NKAIN3: variants seen among roughly 807,000 people sequenced by gnomAD.
NKAIN3 encodes the protein sodium/potassium-transporting ATPase subunit beta-1-interacting protein 3.
In NKAIN3, 25 loss-of-function variants were observed where a neutral mutation model predicts 30.2. That is an observed-to-expected ratio of 0.83 (90% confidence interval 0.60 to 1.16). The LOEUF is 1.16. Among genes scored for constraint, NKAIN3 ranks in the 50% most tolerant of loss-of-function variants. The probability of loss-of-function intolerance (pLI) is 0.00; values close to 1 mark genes in which losing one functional copy is unlikely to be tolerated. For synonymous variants in NKAIN3, 91 were observed against 89.6 expected, an observed-to-expected ratio of 1.02 and a Z score of -0.09; for missense variants, 225 against 254.1, an observed-to-expected ratio of 0.89 and a Z score of 0.78.
At chr8:62,415,456 G>T (rs1296291466) in intron 1 of NKAIN3, among the ~76,000 whole-genome samples, 1 of 149,722 alleles carries the variant, frequency 6.7e-6, no homozygotes, top group Non-Finnish European at 1.5e-5. Flanking sequence ...TAGTTGTCAA[G>T]AAGCTGAGCA....
intron 4 of NKAIN3, among the ~76,000 whole-genome samples, chr8:62,771,658 T>C (rs1817015387): frequency 6.6e-6 from 1 of 152,058 alleles, no homozygotes; most frequent in South Asian, 2.1e-4. Flanking sequence ...AAAAAAGATC[T>C]ATAGATTCAA....
At chr8:62,855,832 C>T in intron 4 of NKAIN3, 1 of 846,784 alleles carries the variant, frequency 1.2e-6, no homozygotes, top group Admixed American at 1.8e-5. Context: ...GGAGGAGTCA[C>T]CAGAAATTTC....
At chr8:62,321,704 G>T (rs1814918942) in intron 1 of NKAIN3, among the ~76,000 whole-genome samples, 1 of 151,652 alleles carries the variant, frequency 6.6e-6, no homozygotes, top group Admixed American at 6.5e-5. Context: ...TGTCTCAGAG[G>T]AGTACCTGGC....
chr8:62,832,606 A>G (rs762151467), intron 4 of NKAIN3, among the ~76,000 whole-genome samples: 5 of 152,130 alleles, frequency 3.3e-5, no homozygotes, highest in Non-Finnish European at 5.9e-5. Context: ...ACATTATTAC[A>G]TAATGATAAA....
chr8:62,765,456 A>G (rs1188617047), intron 4 of NKAIN3, among the ~76,000 whole-genome samples: 1 of 152,026 alleles, frequency 6.6e-6, no homozygotes, highest in African/African-American at 2.4e-5. Flanking sequence ...GACCTGCCTA[A>G]GCAGAATTCA....
chr8:62,481,976 G>A (rs1471714772), intron 1 of NKAIN3, among the ~76,000 whole-genome samples: 1 of 152,158 alleles, frequency 6.6e-6, no homozygotes, highest in Non-Finnish European at 1.5e-5. Flanking sequence ...AGCCCATAAT[G>A]CAGCTGAGCT....
At chr8:62,609,710 T>G (rs747376713) in intron 3 of NKAIN3, among the ~76,000 whole-genome samples, 1 of 152,000 alleles carries the variant, frequency 6.6e-6, no homozygotes, top group Non-Finnish European at 1.5e-5. Context: ...TTCATGAGAA[T>G]GGAAGGAGTT....
At chr8:62,543,441 G>C (rs1382185077) in intron 1 of NKAIN3, among the ~76,000 whole-genome samples, 1 of 152,116 alleles carries the variant, frequency 6.6e-6, no homozygotes, top group African/African-American at 2.4e-5. Flanking sequence ...ATAAATAGTG[G>C]GTCAGAGGCA....
Position 62,859,517 on chromosome 8 carries a change from A to AAAAAAAAAAAAAAAAC in NKAIN3, c.472-58932_472-58931insAAAAAAAAAAACAAAA, listed in dbSNP as rs1369901684. ...ATACTCTTACTTCAACTAAAAAAAAAAAAACTTCATGGAAGTAGCCTAGTT... is the reference window on the plus strand; with the variant it reads ...ATACTCTTACTTCAACTAAAAAAAAAAAAAAAAAAAAAAAACAAAACTTCATGGAAGTAGCCTAGTT... On this transcript the variant is annotated intron_variant, in intron 4 of 6. Transcript: ENST00000623646. 3.3e-5 allele frequency among the ~76,000 whole-genome samples: 5 copies of AAAAAAAAAAAAAAAAC among 150,278 alleles called. 1 individual carries two copies. In the East Asian group the frequency reaches 9.7e-4, roughly 29 times the overall value.
intron 4 of NKAIN3, among the ~76,000 whole-genome samples, chr8:62,785,988 C>T (rs754754748): frequency 6.6e-5 from 10 of 152,160 alleles, no homozygotes; most frequent in South Asian, 2.1e-4. Flanking sequence ...GGGGCCGGTA[C>T]GGAAATAAGT....
At chr8:62,460,902 C>T (rs1263951104) in intron 1 of NKAIN3, among the ~76,000 whole-genome samples, 2 of 152,108 alleles carry the variant, frequency 1.3e-5, no homozygotes, top group African/African-American at 2.4e-5. Flanking sequence ...GTAGAATAAC[C>T]AGAAAACTTT....
chr8:62,314,093 A>G lies in NKAIN3; in HGVS notation c.54+64966A>G, dbSNP rs191304867. Among the ~76,000 whole-genome samples the G allele has an allele frequency of 2.6e-5, 4 of 152,274 alleles. No individual in the cohort carries two copies. The East Asian group carries it at 7.7e-4, about 29-fold the overall frequency. Reference sequence around the variant, plus strand: ...GGGTGAATCTACCTTCTGAATAACTATCTCTCAAGTTTCTTCCCAGGCACT... The same window carrying G: ...GGGTGAATCTACCTTCTGAATAACTGTCTCTCAAGTTTCTTCCCAGGCACT... On this transcript the variant is annotated intron_variant, in intron 1 of 6. Transcript: ENST00000623646.
At chr8:62,464,440 A>G (rs887890703) in intron 1 of NKAIN3, among the ~76,000 whole-genome samples, 1 of 152,210 alleles carries the variant, frequency 6.6e-6, no homozygotes, top group Non-Finnish European at 1.5e-5. Flanking sequence ...AGCAAGTTAG[A>G]AAAGAAGTCA....
intron 4 of NKAIN3, among the ~76,000 whole-genome samples, chr8:62,851,120 C>A (rs1050859065): frequency 2.0e-5 from 3 of 152,026 alleles, no homozygotes; most frequent in Non-Finnish European, 4.4e-5. Context: ...CTTGTATCCT[C>A]TTTTATTTCC....
chr8:62,745,714 A>G (rs1455622612), intron 3 of NKAIN3, among the ~76,000 whole-genome samples: 1 of 152,180 alleles, frequency 6.6e-6, no homozygotes, highest in African/African-American at 2.4e-5. Flanking sequence ...ATTTTGATAT[A>G]CATAAAAGTT....
chr8:62,882,239 T>C (rs1347340022), intron 4 of NKAIN3, among the ~76,000 whole-genome samples: 2 of 152,216 alleles, frequency 1.3e-5, no homozygotes, highest in African/African-American at 4.8e-5. Flanking sequence ...AGCAGAACTT[T>C]TTAATTTTAA....
intron 4 of NKAIN3, among the ~76,000 whole-genome samples, chr8:62,804,559 A>C (rs575643846): frequency 6.6e-6 from 1 of 152,344 alleles, no homozygotes; most frequent in African/African-American, 2.4e-5. Context: ...CCACACGATT[A>C]TCTCAATAGA....
chr8:62,330,426 G>T (rs891543091), intron 1 of NKAIN3, among the ~76,000 whole-genome samples: 1 of 152,016 alleles, frequency 6.6e-6, no homozygotes, highest in African/African-American at 2.4e-5. Context: ...CAGTAGGAAA[G>T]AGAGGGAGTT....
intron 4 of NKAIN3, among the ~76,000 whole-genome samples, chr8:62,877,827 G>A (rs1820845732): frequency 6.6e-6 from 1 of 152,074 alleles, no homozygotes; most frequent in Admixed American, 6.5e-5. Flanking sequence ...GATCACCTGA[G>A]GTTCGGAGTT....
Sources: allele counts gnomAD v4.1 joint callset (sites outside exome capture counted in the v4.1 genomes callset), GRCh38; gene constraint gnomAD v4.1.1; transcripts MANE v1.5; gene names NCBI Gene and HGNC (gene_info 2026-07-23, HGNC 2026-07-21).